Variants in EGFR observed in about 807,000 individuals in gnomAD.
EGFR encodes the protein epidermal growth factor receptor.
EGFR carries 58 observed loss-of-function variants against 143.0 expected under a neutral mutation model. The observed-to-expected ratio is 0.41, with a 90% CI of 0.33 to 0.50. EGFR has a LOEUF of 0.50. Among genes scored for constraint, EGFR ranks in the 20% least tolerant of loss-of-function variants. The pLI, the probability that EGFR is intolerant of heterozygous loss-of-function variation, is 0.39. For missense variants in EGFR, 1,307 were observed against 1,579.0 expected (o/e 0.83, Z 2.92); for synonymous variants, 613 against 594.4 (o/e 1.03, Z -0.45).
intron 4 of EGFR, 66 bp downstream of exon 4, chr7:55,146,806 G>A (rs2128929801): frequency 1.2e-6 from 2 of 1,605,950 alleles, no homozygotes; most frequent in East Asian, 2.2e-5. Context: ...CAGCACTGGG[G>A]CAGGGGAGAG....
rs749703383 is a variant in EGFR, at chr7:55,155,957, C to CG, written c.1006+12dup. 1 of 1,601,688 alleles carries CG rather than the reference C, an allele frequency of 6.2e-7. No individual in the cohort carries two copies. The highest frequency in any genetic ancestry group is 1.1e-5 in the South Asian group (1 of 90,470). On this transcript the variant is annotated intron_variant, in intron 8 of 27. Transcript: ENST00000275493. ...GGCCTTGCCGCAAAGGTAGGAAGCC[C>CG]GCCGGTGTGCGGACGAGGCTTGTTC...
At chr7:55,027,987 A>ATATAT (rs1158500265) in intron 1 of EGFR, among the ~76,000 whole-genome samples, 7 of 79,124 alleles carry the variant, frequency 8.8e-5, no homozygotes, top group East Asian at 1.2e-3. Flanking sequence ...AAAAAAAAAA[A>ATATAT]AAAAATATAT....
At chr7:55,150,688 G>C (rs1166375946) in intron 4 of EGFR, among the ~76,000 whole-genome samples, 2 of 152,166 alleles carry the variant, frequency 1.3e-5, no homozygotes, top group African/African-American at 4.8e-5. Context: ...AACCTTTGCA[G>C]CTATAATTTG....
chr7:55,125,731 A>C (rs1015573688), intron 1 of EGFR, among the ~76,000 whole-genome samples: 2 of 152,366 alleles, frequency 1.3e-5, no homozygotes, highest in South Asian at 2.1e-4. Context: ...ACCCAGGCGA[A>C]GTCCAGAGCA....
chr7:55,085,920 G>A (rs1190884717), intron 1 of EGFR, among the ~76,000 whole-genome samples: 4 of 152,196 alleles, frequency 2.6e-5, no homozygotes, highest in South Asian at 2.1e-4. Context: ...TCCTGAGCAT[G>A]CTGCCCCAAG....
In EGFR at chr7:55,161,932, A is replaced by G. The variant is rs1311385466; in HGVS notation, c.1631+301A>G. Among the ~76,000 whole-genome samples, 8 of 152,338 alleles carry G rather than the reference A, an allele frequency of 5.3e-5. No individual in the cohort carries two copies. The East Asian group carries it at 1.5e-3, about 29-fold the overall frequency. ...AAGCTACAAAAAGTTCCTAAGACAA[A>G]TGAGACAGTCATCAATGGTTCATCT... On this transcript the variant is annotated intron_variant, in intron 13 of 27. Transcript: ENST00000275493.
intron 1 of EGFR, among the ~76,000 whole-genome samples, chr7:55,065,586 G>A (rs1789445816): frequency 6.6e-6 from 1 of 152,202 alleles, no homozygotes; most frequent in Admixed American, 6.5e-5. Context: ...GTTGCAGAAG[G>A]AATAAGAAAT....
rs1173579060 is a variant in EGFR, at chr7:55,173,121, G to A, written c.2058G>A (p.Arg686=). The change falls in exon 17 of 28, where the codon AGG becomes AGA. Residue 686 remains arginine, a synonymous_variant. Transcript: ENST00000275493. Reference sequence around the variant, plus strand: ...CGCTGCGGAGGCTGCTGCAGGAGAGGGAGGTGAGTGCCAGTCCTGGGTGGG... The same window carrying A: ...CGCTGCGGAGGCTGCTGCAGGAGAGAGAGGTGAGTGCCAGTCCTGGGTGGG... ...KRTLRRLLQE[R]ELVEPLTPSG... 2 of 1,609,760 alleles carry A rather than the reference G, an allele frequency of 1.2e-6. No homozygotes were observed. Among genetic ancestry groups the A allele is most frequent in the African/African-American group, 1.3e-5 (1 of 74,950 alleles).
At chr7:55,072,705 T>C (rs17586344) in intron 1 of EGFR, among the ~76,000 whole-genome samples, 16,039 of 152,210 alleles carry the variant, frequency 0.11, 1,030 homozygotes, top group Non-Finnish European at 0.16. Context: ...GTTGCTTCAT[T>C]GTGTTTAGAT....
chr7:55,102,543 A>G (rs563819805), intron 1 of EGFR, among the ~76,000 whole-genome samples: 1 of 152,338 alleles, frequency 6.6e-6, no homozygotes, highest in Non-Finnish European at 1.5e-5. Flanking sequence ...TTGGTGGCCC[A>G]GCTCGTCAAA....
intron 20 of EGFR, 63 bp downstream of exon 20, chr7:55,181,541 G>A (rs982130739): frequency 3.1e-6 from 5 of 1,601,578 alleles, no homozygotes; most frequent in Non-Finnish European, 3.4e-6. Context: ...CATGCGGTCT[G>A]CGCTCCTGGG....
chr7:55,082,706 G>A (rs1562698486), intron 1 of EGFR, among the ~76,000 whole-genome samples: 1 of 152,162 alleles, frequency 6.6e-6, no homozygotes, highest in Admixed American at 6.5e-5. Flanking sequence ...GAGACATCTC[G>A]TGCAGGGCAG....
chr7:55,035,305 T>C (rs955287668), intron 1 of EGFR, among the ~76,000 whole-genome samples: 4 of 152,144 alleles, frequency 2.6e-5, no homozygotes, highest in Non-Finnish European at 4.4e-5. Context: ...TTTGATCTTA[T>C]TTTTTCAATT....
intron 1 of EGFR, among the ~76,000 whole-genome samples, chr7:55,020,435 A>C (rs1484578267): frequency 6.6e-6 from 1 of 152,204 alleles, no homozygotes; most frequent in African/African-American, 2.4e-5. Context: ...ATCCTGGCCA[A>C]CACCATGGTG....
intron 1 of EGFR, among the ~76,000 whole-genome samples, chr7:55,027,603 T>A (rs887211636): frequency 6.6e-6 from 1 of 152,196 alleles, no homozygotes; most frequent in Admixed American, 6.5e-5. Flanking sequence ...TTATAGTTGA[T>A]AGCTTTAACT....
At chr7:55,087,273 TAAAAAAAAAACA>T (rs1348711837) in intron 1 of EGFR, among the ~76,000 whole-genome samples, 2 of 102,112 alleles carry the variant, frequency 2.0e-5, no homozygotes, top group Non-Finnish European at 3.7e-5. Context: ...TCTCAATTGT[TAAAAAAAAAACA>T]AAAAAAAAAA....
At chr7:55,188,481 C>A (rs73136846) in intron 20 of EGFR, among the ~76,000 whole-genome samples, 1 of 152,138 alleles carries the variant, frequency 6.6e-6, no homozygotes, top group East Asian at 1.9e-4. Context: ...TTTTCAAATC[C>A]CCTTTTAACC....
chr7:55,126,629 T>C (rs1045924021), intron 1 of EGFR, among the ~76,000 whole-genome samples: 1 of 152,198 alleles, frequency 6.6e-6, no homozygotes, highest in African/African-American at 2.4e-5. Flanking sequence ...GAAATGCTCC[T>C]GCACTGCCTC....
At chr7:55,034,401 T>C (rs1416064603) in intron 1 of EGFR, among the ~76,000 whole-genome samples, 1 of 152,128 alleles carries the variant, frequency 6.6e-6, no homozygotes, top group Non-Finnish European at 1.5e-5. Context: ...ACCTGACTAA[T>C]TTTTGTATGT....
Sources: allele counts gnomAD v4.1 joint callset (sites outside exome capture counted in the v4.1 genomes callset), GRCh38; gene constraint gnomAD v4.1.1; transcripts MANE v1.5; gene names NCBI Gene and HGNC (gene_info 2026-07-23, HGNC 2026-07-21).